VTN: variants seen among roughly 807,000 people sequenced by gnomAD.
The protein encoded by VTN is complement S-protein.
In VTN, 45 loss-of-function variants were observed where a neutral mutation model predicts 55.9. The ratio of observed to expected loss-of-function variants is 0.80; its 90% CI spans 0.63 to 1.03. The LOEUF (loss-of-function observed/expected upper bound fraction) is 1.03, where lower values mean the gene tolerates loss of function less well. Among genes scored for constraint, VTN ranks in the 50% least tolerant of loss-of-function variants. The probability of loss-of-function intolerance (pLI) is 0.00; values close to 1 mark genes in which losing one functional copy is unlikely to be tolerated. For synonymous variants in VTN, 238 were observed against 242.3 expected, an observed-to-expected ratio of 0.98 and a Z score of 0.17; for missense variants, 589 against 638.2, an observed-to-expected ratio of 0.92 and a Z score of 0.83.
chr17:28,367,368 C>A lies in VTN; in HGVS notation c.*1G>T. On this transcript the variant is annotated 3_prime_UTR_variant, in exon 8 of 8. Transcript: ENST00000226218. The stretch of plus-strand genomic sequence containing the variant: ...GGGCCCGGCCATGTGGGCTCTGACT[C>A]CTACAGATGGCCAGGAGCTGGGCAG... 1 of 1,586,450 alleles carries A rather than the reference C, an allele frequency of 6.3e-7. No homozygotes were observed. The highest frequency in any genetic ancestry group is 8.6e-7 in the Non-Finnish European group (1 of 1,168,370).
At position 28,367,746 on chromosome 17, in the gene VTN, T is replaced by G; in HGVS notation, c.1293A>C (p.Glu431Asp). ...RMDWLVPATC[E>D]PIQSVFFFSG... ...AGAAGAAGAAGACACTCTGGATGGGTTCACAGGTGGCAGGCACAAGCCAGT... is the reference window on the plus strand; with the variant it reads ...AGAAGAAGAAGACACTCTGGATGGGGTCACAGGTGGCAGGCACAAGCCAGT... The change falls in exon 7 of 8, where the codon GAA becomes GAC. Residue 431 changes from glutamate to aspartate, a missense_variant. By Grantham distance (45) the Glu-to-Asp change is conservative (BLOSUM62 2). Around this residue, in one of 3 missense-constraint regions of VTN, gnomAD observed 334 missense variants for 328.2 expected, o/e 1.02. Coordinates refer to ENST00000226218, the MANE Select transcript of VTN (RefSeq NM_000638.4). 1 of 1,613,674 alleles carries G rather than the reference T, an allele frequency of 6.2e-7. No homozygotes were observed.
At chr17:28,367,621 G>A (rs1344502279) in intron 7 of VTN, 94 bp downstream of exon 7, 1 of 1,452,724 alleles carries the variant, frequency 6.9e-7, no homozygotes, top group Non-Finnish European at 9.5e-7. Flanking sequence ...GCTTTCTGTG[G>A]TCACTACTTG....
Position 28,367,451 on chromosome 17 carries a change from C to T in VTN, c.1355G>A (p.Arg452Gln), listed in dbSNP as rs374073338. The change falls in exon 8 of 8, where the codon CGG becomes CAG. Residue 452 changes from arginine to glutamine, a missense_variant. Around this residue, in one of 3 missense-constraint regions of VTN, gnomAD observed 334 missense variants for 328.2 expected, o/e 1.02. Coordinates refer to ENST00000226218, the MANE Select transcript of VTN (RefSeq NM_000638.4). ...DKYYRVNLRTRRVDTVDPPYP... is the reference protein window; with the variant it reads ...DKYYRVNLRTQRVDTVDPPYP... ...GGGAGGGTCCACAGTGTCCACTCGCCGTGTGCGAAGATTGACTCGGTAGTA... is the reference window on the plus strand; with the variant it reads ...GGGAGGGTCCACAGTGTCCACTCGCTGTGTGCGAAGATTGACTCGGTAGTA... 17 of 1,613,582 alleles carry T rather than the reference C, an allele frequency of 1.1e-5. No individual in the cohort carries two copies. Among genetic ancestry groups the T allele is most frequent in the African/African-American group, 4.0e-5 (3 of 74,896 alleles).
chr17:28,368,916 G>T lies in VTN; in HGVS notation c.782C>A (p.Pro261His). 1.9e-6 allele frequency: 3 copies of T among 1,612,096 alleles called. No homozygotes were observed. Among genetic ancestry groups the T allele is most frequent in the Non-Finnish European group, 2.5e-6 (3 of 1,179,460 alleles). Residue 261 changes from proline (P) to histidine (H), a missense_variant, in exon 5 of 8, where the codon CCT (proline) becomes CAT (histidine). Pro to His is a moderately conservative substitution (Grantham distance 77). Around this residue, in one of 3 missense-constraint regions of VTN, gnomAD observed 334 missense variants for 328.2 expected, o/e 1.02. Coordinates refer to ENST00000226218, the MANE Select transcript of VTN (RefSeq NM_000638.4). ...PDNVDAALALPAHSYSGRERV... is the reference protein window; with the variant it reads ...PDNVDAALALHAHSYSGRERV... ...CTCCCGGCCACTGTAGCTATGGGCA[G>T]GGAGGGCCAAGGCTGCATCCACGTT...
intron 7 of VTN, 84 bp downstream of exon 7, chr17:28,367,631 G>A: frequency 6.8e-7 from 1 of 1,474,770 alleles, no homozygotes; most frequent in African/African-American, 1.4e-5. Context: ...GTCACTACTT[G>A]CAGGCTGCGT....
Position 28,369,282 on chromosome 17 carries a change from CT to C in VTN, c.669+6del. 3 of 1,580,316 alleles carry C rather than the reference CT, an allele frequency of 1.9e-6. No individual in the cohort carries two copies. The highest frequency in any genetic ancestry group is 2.6e-6 in the Non-Finnish European group (3 of 1,158,544). ...TGCTTTCTACCCTGGCCCACAGCCC[CT>C]GGCACCTTGAAGAGGTAGGTCTTCC... On this transcript the variant is annotated splice_donor_region_variant and intron_variant, in intron 4 of 7. Transcript: ENST00000226218. The surrounding 1 kb of genome is among the most constrained non-coding windows in gnomAD (Gnocchi z 5.3).
At chr17:28,368,841 C>A (rs1555583453) in intron 5 of VTN, 31 bp downstream of exon 5, 2 of 1,613,258 alleles carry the variant, frequency 1.2e-6, no homozygotes, top group East Asian at 2.2e-5. Flanking sequence ...TGCTCCACTG[C>A]CTGCTCAGTC....
In VTN at chr17:28,369,481, A is replaced by G. The variant is rs1567802107; in HGVS notation, c.529+26T>C. On this transcript the variant is annotated intron_variant, in intron 3 of 7. Transcript: ENST00000226218. The surrounding 1 kb of genome is among the most constrained non-coding windows in gnomAD (Gnocchi z 5.3). ...AGGGACGCTCCTGGGGCAGACCCGC[A>G]TCCCCAGTACCTGCCCTGGATTCAC... is the stretch of plus-strand genomic sequence containing the variant. 1 of 1,593,782 alleles carries G rather than the reference A, an allele frequency of 6.3e-7. No individual in the cohort carries two copies. Among genetic ancestry groups the G allele is most frequent in the East Asian group, 2.2e-5 (1 of 44,590 alleles).
Position 28,369,805 on chromosome 17 carries a change from G to A in VTN, c.231C>T (p.Val77=), listed in dbSNP as rs1555583708. 6 of 1,613,876 alleles carry A rather than the reference G, an allele frequency of 3.7e-6. No individual in the cohort carries two copies. In the South Asian group the frequency reaches 6.6e-5, roughly 18 times the overall value. Residue 77 remains valine, a synonymous_variant, in exon 3 of 8, where the codon GTC becomes GTT. Coordinates refer to ENST00000226218, the MANE Select transcript of VTN (RefSeq NM_000638.4). This position sits in a 1 kb window ranked among gnomAD's most constrained non-coding sequence, Gnocchi z 5.3. ...VFTMPEDEYT[V]YDDGEEKNNA... ...TGTTTTTCTCCTCGCCATCGTCATA[G>A]ACCGTGTACTCATCCTCCGGCATAG...
rs781904743 is a variant in VTN, at chr17:28,367,998, G to A, written c.1041C>T (p.Asp347=). The A allele has an allele frequency of 1.5e-5, 24 of 1,593,148 alleles. No homozygotes were observed. The highest frequency in any genetic ancestry group is 7.9e-5 in the South Asian group (7 of 88,470). Residue 347 remains aspartate, a synonymous_variant, in exon 7 of 8, where the codon GAC becomes GAT. Transcript: ENST00000226218. ...TGTAGATGCGGCCAGCCATGGCTGC[G>A]TCCACTTGCCCTGGCACACCGTGCC... ...RDWHGVPGQV[D]AAMAGRIYIS... is the part of the protein sequence containing the mutation.
In VTN at chr17:28,369,081, A is replaced by G. The variant is rs915729800; in HGVS notation, c.670-53T>C. ...TATGGAGGCCGCTGGCTGGGCACAGAGGCAGAGTCCCTTGCCCTAAGGCAG... is the reference window on the plus strand; with the variant it reads ...TATGGAGGCCGCTGGCTGGGCACAGGGGCAGAGTCCCTTGCCCTAAGGCAG... On this transcript the variant is annotated intron_variant, in intron 4 of 7. Coordinates refer to ENST00000226218, the MANE Select transcript of VTN (RefSeq NM_000638.4). The surrounding 1 kb of genome is among the most constrained non-coding windows in gnomAD (Gnocchi z 5.3). The G allele has an allele frequency of 6.5e-7, 1 of 1,538,692 alleles. No individual in the cohort carries two copies. The highest frequency in any genetic ancestry group is 8.7e-7 in the Non-Finnish European group (1 of 1,147,996).
intron 7 of VTN, 25 bp from the exon 8 acceptor site, chr17:28,367,506 G>A (rs1300268798): frequency 6.3e-7 from 1 of 1,598,244 alleles, no homozygotes; most frequent in Non-Finnish European, 8.6e-7. Context: ...AGCAGAGGAT[G>A]CGTGAGGCCC....
In VTN at chr17:28,368,059, G is replaced by C; in HGVS notation, c.980C>G (p.Ala327Gly). 6.4e-7 allele frequency: 1 copy of C among 1,572,162 alleles called. No homozygotes were observed. Among genetic ancestry groups the C allele is most frequent in the East Asian group, 2.3e-5 (1 of 42,924 alleles). The change falls in exon 7 of 8, where the codon GCT becomes GGT. Residue 327 changes from alanine (A) to glycine (G), a missense_variant and splice_region_variant. By Grantham distance (60) the Ala-to-Gly change is moderately conservative. Transcript: ENST00000226218. ...FELLFWGRTS[A>G]GTRQPQFISR... Reference sequence around the variant, plus strand: ...AATGAACTGGGGCTGTCTGGTACCAGCTGTGGCAGGGAAGGGGTGAATGAG... The same window carrying C: ...AATGAACTGGGGCTGTCTGGTACCACCTGTGGCAGGGAAGGGGTGAATGAG...
At position 28,369,899 on chromosome 17, in the gene VTN, A is replaced by G. The variant is rs782593575; in HGVS notation, c.184+28T>C. The G allele has an allele frequency of 1.8e-5, 29 of 1,612,532 alleles. No individual in the cohort carries two copies. The Admixed American group carries it at 3.2e-4, about 18-fold the overall frequency. On this transcript the variant is annotated intron_variant, in intron 2 of 7. Coordinates refer to ENST00000226218, the MANE Select transcript of VTN (RefSeq NM_000638.4). This position sits in a 1 kb window ranked among gnomAD's most constrained non-coding sequence, Gnocchi z 5.3. ...AGTCTCCAGCAGCAGGGGGCACCCC[A>G]GCCCACCCACCTGGGCTCTGAACAC...
At position 28,368,030 on chromosome 17, in the gene VTN, G is replaced by A. The variant is rs554136380; in HGVS notation, c.1009C>T (p.Arg337Trp). The A allele has an allele frequency of 3.3e-5, 53 of 1,587,260 alleles. No homozygotes were observed. Among genetic ancestry groups the A allele is most frequent in the East Asian group, 2.1e-4 (9 of 43,638 alleles). The change falls in exon 7 of 8, where the codon CGG becomes TGG. Residue 337 changes from arginine to tryptophan, a missense_variant. Around this residue, in one of 3 missense-constraint regions of VTN, gnomAD observed 334 missense variants for 328.2 expected, o/e 1.02. Transcript: ENST00000226218. Reference protein sequence around the residue: ...AGTRQPQFISRDWHGVPGQVD... With the variant: ...AGTRQPQFISWDWHGVPGQVD... ...TGCCCTGGCACACCGTGCCAGTCCCGGCTAATGAACTGGGGCTGTCTGGTA... is the reference window on the plus strand; with the variant it reads ...TGCCCTGGCACACCGTGCCAGTCCCAGCTAATGAACTGGGGCTGTCTGGTA...
Position 28,367,895 on chromosome 17 carries a change from G to T in VTN, c.1144C>A (p.Gln382Lys), listed in dbSNP as rs1051785809. Residue 382 changes from glutamine (Q) to lysine (K), a missense_variant, in exon 7 of 8, where the codon CAA becomes AAA. By Grantham distance (53) the Gln-to-Lys change is moderately conservative. Transcript: ENST00000226218. ...TTGCGGCCACGGCTGTGGCCTCGTT[G>T]TGAACGGTAGCCTTTGCGGTTGCGA... The part of the protein sequence containing the change: ...RHRNRKGYRS[Q>K]RGHSRGRNQN... 1 of 1,613,396 alleles carries T rather than the reference G, an allele frequency of 6.2e-7. No homozygotes were observed.
Position 28,368,584 on chromosome 17 carries a change from CAA to C in VTN, c.914_915del (p.Phe305CysfsTer31), listed in dbSNP as rs1371471976. ...TCCCAGCTGTCCCGCTGCATCATGG[CAA>C]AGTGTTCAAACACAGCCGACAGGGA... ...GSSLSAVFEHFAMMQRDSWED... is the reference protein window; with the variant it reads ...GSSLSAVFEHXAMMQRDSWED... On this transcript the variant is annotated frameshift_variant, in exon 6 of 8. Transcript: ENST00000226218. LOFTEE classifies it high-confidence loss of function. 1.2e-6 allele frequency: 2 copies of C among 1,614,054 alleles called. No homozygotes were observed. Among genetic ancestry groups the C allele is most frequent in the South Asian group, 1.1e-5 (1 of 91,082 alleles).
At position 28,367,394 on chromosome 17, in the gene VTN, C is replaced by T. The variant is rs1286468489; in HGVS notation, c.1412G>A (p.Gly471Asp). 2 of 1,600,540 alleles carry T rather than the reference C, an allele frequency of 1.2e-6. No homozygotes were observed. The highest frequency in any genetic ancestry group is 1.8e-5 in the Admixed American group (1 of 56,052). The change falls in exon 8 of 8, where the codon GGC (glycine) becomes GAC (aspartate). Residue 471 changes from glycine to aspartate, a missense_variant. Coordinates refer to ENST00000226218, the MANE Select transcript of VTN (RefSeq NM_000638.4). ...YPRSIAQYWLGCPAPGHL is the reference protein window; with the variant it reads ...YPRSIAQYWLDCPAPGHL ...CTACAGATGGCCAGGAGCTGGGCAG[C>T]CCAGCCAGTACTGAGCGATGGAGCG... is the stretch of plus-strand genomic sequence containing the variant.
rs782641083 is a variant in VTN at position 28,369,964 on chromosome 17, G to T, written c.147C>A (p.Ser49Arg). ...ACTCAGCCGTATAGTCTGTGCAGCA[G>T]CTCTGGTAGTAAGAGCAGAGCTCGT... ...QCDELCSYYQ[S>R]CCTDYTAECK... Residue 49 changes from serine (S) to arginine (R), a missense_variant, in exon 2 of 8, where the codon AGC (serine) becomes AGA (arginine). Physicochemically the swap from Ser to Arg is moderately radical, Grantham distance 110. Around this residue, in one of 3 missense-constraint regions of VTN, gnomAD observed 217 missense variants for 241.3 expected, o/e 0.90. Transcript: ENST00000226218. The surrounding 1 kb of genome is among the most constrained non-coding windows in gnomAD (Gnocchi z 5.3). 5.6e-6 allele frequency: 9 copies of T among 1,614,102 alleles called. No individual in the cohort carries two copies. In the Admixed American group the frequency reaches 1.2e-4, roughly 21 times the overall value.
Sources: allele counts gnomAD v4.1 joint callset, GRCh38; gene constraint gnomAD v4.1.1; regional missense constraint gnomAD v4.1.1; non-coding constraint Gnocchi (gnomAD v3.1); transcripts MANE v1.5; gene names NCBI Gene and HGNC (gene_info 2026-07-23, HGNC 2026-07-21).